The following ARSJ variants were observed in gnomAD, a reference collection of about 807,000 sequenced individuals.
The protein encoded by ARSJ is arylsulfatase J.
In ARSJ, 26 loss-of-function variants were observed where a neutral mutation model predicts 35.9. The observed-to-expected ratio is 0.72, with a 90% CI of 0.53 to 1.00. ARSJ has a LOEUF of 1.00. Ranked by LOEUF, ARSJ falls within the 50% of genes least tolerant of loss-of-function variation. The probability of loss-of-function intolerance (pLI) is 0.00; values close to 1 mark genes in which losing one functional copy is unlikely to be tolerated. For synonymous variants in ARSJ, 294 were observed against 267.6 expected (o/e 1.10, Z -0.96); for missense variants, 667 against 723.6 (o/e 0.92, Z 0.90).
intron 1 of ARSJ, among the ~76,000 whole-genome samples, chr4:113,911,642 C>T (rs193054782): frequency 1.4e-4 from 21 of 151,564 alleles, no homozygotes; most frequent in South Asian, 4.2e-4. Flanking sequence ...TCTGGGTGGC[C>T]GGGTGTAAGG....
At chr4:113,956,957 G>A (rs1214010787) in intron 1 of ARSJ, among the ~76,000 whole-genome samples, 2 of 152,034 alleles carry the variant, frequency 1.3e-5, no homozygotes, top group Non-Finnish European at 2.9e-5. Flanking sequence ...GACAATTCCG[G>A]TGGCTTAATG....
chr4:113,940,315 AG>A (rs1725066558), intron 1 of ARSJ, among the ~76,000 whole-genome samples: 1 of 152,188 alleles, frequency 6.6e-6, no homozygotes, highest in African/African-American at 2.4e-5. Context: ...AGCCTTAAAA[AG>A]GAATAAGATC....
At chr4:113,915,944 T>C (rs1366048166) in intron 1 of ARSJ, among the ~76,000 whole-genome samples, 4 of 152,214 alleles carry the variant, frequency 2.6e-5, no homozygotes, top group Non-Finnish European at 5.9e-5. Context: ...GAGGGTTCAC[T>C]GCTTATAGAC....
rs528288187 is a variant in ARSJ, at chr4:113,902,161, C to T, written c.*113G>A. On this transcript the variant is annotated 3_prime_UTR_variant, in exon 2 of 2. Coordinates refer to ENST00000315366, the MANE Select transcript of ARSJ (RefSeq NM_024590.4). Reference sequence around the variant, plus strand: ...TCTCTGGAGTGGCACAGCATGAAAACAAGCCTGACGCTTAGGCCAGCGATA... The same window carrying T: ...TCTCTGGAGTGGCACAGCATGAAAATAAGCCTGACGCTTAGGCCAGCGATA... The T allele has an allele frequency of 9.3e-5, 148 of 1,598,540 alleles. 1 individual carries two copies. In the African/African-American group the frequency reaches 1.5e-3, roughly 16 times the overall value.
intron 1 of ARSJ, among the ~76,000 whole-genome samples, chr4:113,924,076 AAT>A (rs1164333093): frequency 3.9e-4 from 37 of 95,702 alleles, no homozygotes; most frequent in African/African-American, 1.1e-3. Flanking sequence ...AATATATATA[AAT>A]ATATATATAT....
intron 1 of ARSJ, among the ~76,000 whole-genome samples, chr4:113,958,636 T>C (rs1480717167): frequency 1.3e-5 from 2 of 152,056 alleles, no homozygotes; most frequent in Non-Finnish European, 2.9e-5. Context: ...GATACATATA[T>C]ACAAATAGAT....
chr4:113,952,044 G>A (rs1485381869), intron 1 of ARSJ, among the ~76,000 whole-genome samples: 2 of 151,902 alleles, frequency 1.3e-5, no homozygotes, highest in Admixed American at 1.3e-4. Flanking sequence ...TTTGCATGCT[G>A]GAAGAAATTT....
chr4:113,901,868 CCA>C lies in ARSJ; in HGVS notation c.*404_*405del. 2.6e-5 allele frequency: 1 copy of C among 38,226 alleles called. No individual in the cohort carries two copies. The highest frequency in any genetic ancestry group is 1.2e-4 in the Non-Finnish European group (1 of 8,426). 2.4% of individuals were successfully genotyped at this position (38,226 alleles called of 1,614,324 possible). A position where few individuals can be genotyped will look rare whatever the true frequency, so the allele number is the denominator to read the frequency against. On this transcript the variant is annotated 3_prime_UTR_variant, in exon 2 of 2. Transcript: ENST00000315366. ...TTTTAATCATGCTACCCTGTAACTT[CCA>C]TCAAATTAGCATGCTTGCGGATGGT...
chr4:113,914,926 C>T (rs1594399271), intron 1 of ARSJ, among the ~76,000 whole-genome samples: 4 of 152,130 alleles, frequency 2.6e-5, no homozygotes, highest in East Asian at 1.9e-4. Flanking sequence ...CTACACTGTC[C>T]GTTCATTATT....
rs116499627 is a variant in ARSJ at position 113,963,146 on chromosome 4, T to A, written c.398+15291A>T. 1.0e-3 allele frequency among the ~76,000 whole-genome samples: 157 copies of A among 152,160 alleles called. 1 individual carries two copies. Among genetic ancestry groups the A allele is most frequent in the African/African-American group, 3.5e-3 (147 of 41,554 alleles). On this transcript the variant is annotated intron_variant, in intron 1 of 1. Transcript: ENST00000315366. ...GCCTTATCTTCTTTCTTAGAGCATG[T>A]CACCCTCTAGCATACTATATAGTTT...
In ARSJ at chr4:113,902,152, G is replaced by A; in HGVS notation, c.*122C>T. ...TGGCAGAAGTCTCTGGAGTGGCACA[G>A]CATGAAAACAAGCCTGACGCTTAGG... On this transcript the variant is annotated 3_prime_UTR_variant, in exon 2 of 2. Coordinates refer to ENST00000315366, the MANE Select transcript of ARSJ (RefSeq NM_024590.4). The A allele has an allele frequency of 6.3e-7, 1 of 1,597,920 alleles. No homozygotes were observed. Among genetic ancestry groups the A allele is most frequent in the Non-Finnish European group, 8.5e-7 (1 of 1,179,464 alleles).
At chr4:113,952,040 T>A (rs1369015684) in intron 1 of ARSJ, among the ~76,000 whole-genome samples, 3 of 152,074 alleles carry the variant, frequency 2.0e-5, no homozygotes, top group African/African-American at 7.2e-5. Context: ...GGATTTTGCA[T>A]GCTGGAAGAA....
chr4:113,904,228 C>T (rs1276512733), intron 1 of ARSJ, among the ~76,000 whole-genome samples: 2 of 152,084 alleles, frequency 1.3e-5, no homozygotes, highest in African/African-American at 2.4e-5. Flanking sequence ...CTGTGCCCAG[C>T]CTCAAAGTCT....
intron 1 of ARSJ, among the ~76,000 whole-genome samples, chr4:113,938,777 T>C (rs939052237): frequency 7.2e-5 from 11 of 151,880 alleles, no homozygotes; most frequent in African/African-American, 2.4e-4. Flanking sequence ...CAAACATTCC[T>C]CAAAAGAAGA....
chr4:113,979,485 C>A lies in ARSJ; in HGVS notation c.-651G>T, dbSNP rs1017861660. ...CGGCGAAGTGAGGAAGAAGCCGTTT[C>A]CTGATCTCCCTCCACCTCCGCAGAA... On this transcript the variant is annotated 5_prime_UTR_variant, in exon 1 of 2. Coordinates refer to ENST00000315366, the MANE Select transcript of ARSJ (RefSeq NM_024590.4). 3 of 152,436 alleles carry A rather than the reference C, an allele frequency of 2.0e-5. No homozygotes were observed. Among genetic ancestry groups the A allele is most frequent in the African/African-American group, 7.2e-5 (3 of 41,476 alleles). The allele number at this position is 152,436 out of a possible 1,614,324, so 9.4% of individuals were successfully genotyped here.
intron 1 of ARSJ, among the ~76,000 whole-genome samples, chr4:113,939,077 A>G (rs1378521011): frequency 1.0e-4 from 10 of 99,536 alleles, no homozygotes; most frequent in African/African-American, 3.1e-4. Context: ...CCACCCCACA[A>G]CAGAGCCCAG....
At chr4:113,969,192 T>C (rs1727082013) in intron 1 of ARSJ, among the ~76,000 whole-genome samples, 1 of 152,212 alleles carries the variant, frequency 6.6e-6, no homozygotes, top group South Asian at 2.1e-4. Flanking sequence ...AGGGTTCCAA[T>C]AGATTCTGCC....
rs187128183 is a variant in ARSJ at position 113,958,070 on chromosome 4, G to T, written c.398+20367C>A. ...AAAAGAAACTGTAAGCCAGCATATG[G>T]AAAGTTATAAATGGAGCCCAAGTTT... On this transcript the variant is annotated intron_variant, in intron 1 of 1. Coordinates refer to ENST00000315366, the MANE Select transcript of ARSJ (RefSeq NM_024590.4). Among the ~76,000 whole-genome samples, 59 of 152,158 alleles carry T rather than the reference G, an allele frequency of 3.9e-4. 1 individual carries two copies. Among genetic ancestry groups the T allele is most frequent in the African/African-American group, 1.4e-3 (58 of 41,538 alleles).
At chr4:113,938,425 C>A (rs1233219436) in intron 1 of ARSJ, among the ~76,000 whole-genome samples, 1 of 152,028 alleles carries the variant, frequency 6.6e-6, no homozygotes, top group African/African-American at 2.4e-5. Flanking sequence ...AAACCCCAAA[C>A]CATAAAAACC....
Sources: gnomAD v4.1 joint callset for allele counts (sites outside exome capture counted in the v4.1 genomes callset) on GRCh38, gnomAD v4.1.1 for gene constraint, MANE v1.5 for transcripts, NCBI Gene and HGNC (gene_info 2026-07-23, HGNC 2026-07-21) for gene names.